KDM4C: variants seen among roughly 807,000 people sequenced by gnomAD.
The protein encoded by KDM4C is lysine-specific demethylase 4C.
In KDM4C, 81 loss-of-function variants were observed where a neutral mutation model predicts 129.3. That is an observed-to-expected ratio of 0.63 (90% CI 0.52 to 0.75). The LOEUF is 0.75. Ranked by LOEUF, KDM4C falls within the 30% of genes least tolerant of loss-of-function variation. KDM4C has a pLI of 0.00. For synonymous variants in KDM4C, 573 were observed against 456.1 expected (o/e 1.26, Z -3.26); for missense variants, 1,457 against 1,304.0 (o/e 1.12, Z -1.81).
chr9:7,159,597 G>C (rs1021389099), intron 19 of KDM4C, among the ~76,000 whole-genome samples: 4 of 152,174 alleles, frequency 2.6e-5, no homozygotes, highest in Non-Finnish European at 5.9e-5. Flanking sequence ...ATGAAGCTTA[G>C]TTTGGCTGGA....
intron 19 of KDM4C, among the ~76,000 whole-genome samples, chr9:7,143,612 T>A (rs187636858): frequency 6.6e-6 from 1 of 152,332 alleles, no homozygotes; most frequent in East Asian, 1.9e-4. Context: ...GTTATCTACA[T>A]ATTATTTTCA....
chr9:7,074,308 C>T (rs1833613395), intron 17 of KDM4C, among the ~76,000 whole-genome samples: 1 of 152,104 alleles, frequency 6.6e-6, no homozygotes, highest in African/African-American at 2.4e-5. Flanking sequence ...GGATTACAGG[C>T]ATGTGCCAAC....
chr9:6,845,464 C>T (rs573311036), intron 4 of KDM4C, among the ~76,000 whole-genome samples: 19 of 152,274 alleles, frequency 1.2e-4, no homozygotes, highest in African/African-American at 4.1e-4. Flanking sequence ...ATTCTCCTTC[C>T]TTGGCCTCTG....
At chr9:6,765,124 A>T (rs986993469) in intron 1 of KDM4C, among the ~76,000 whole-genome samples, 1 of 152,080 alleles carries the variant, frequency 6.6e-6, no homozygotes, top group African/African-American at 2.4e-5. Flanking sequence ...TTTAAGGCCT[A>T]TTGCCTTATT....
intron 4 of KDM4C, among the ~76,000 whole-genome samples, chr9:6,820,912 G>T (rs1369067721): frequency 1.5e-5 from 2 of 132,486 alleles, no homozygotes; most frequent in Admixed American, 1.8e-4. Flanking sequence ...GATGTTCCCT[G>T]CCCTGTGTCC....
At chr9:6,788,601 A>C (rs1400713863) in intron 1 of KDM4C, among the ~76,000 whole-genome samples, 1 of 152,188 alleles carries the variant, frequency 6.6e-6, no homozygotes, top group East Asian at 1.9e-4. Flanking sequence ...ACAATTTGGC[A>C]CTTACTCCTT....
At chr9:6,879,290 T>A (rs1844079192) in intron 5 of KDM4C, among the ~76,000 whole-genome samples, 1 of 152,200 alleles carries the variant, frequency 6.6e-6, no homozygotes, top group East Asian at 1.9e-4. Flanking sequence ...TATAGGATAT[T>A]ATGAGATTGT....
intron 8 of KDM4C, among the ~76,000 whole-genome samples, chr9:6,924,411 A>G (rs554634765): frequency 1.1e-3 from 166 of 152,264 alleles, no homozygotes; most frequent in African/African-American, 3.8e-3. Context: ...CCCAGGCAGG[A>G]AATTACAAGA....
intron 5 of KDM4C, among the ~76,000 whole-genome samples, chr9:6,866,071 G>C (rs925781594): frequency 1.3e-5 from 2 of 152,014 alleles, no homozygotes; most frequent in Admixed American, 1.3e-4. Flanking sequence ...TTTAGTTAGA[G>C]ACAGGGTTTC....
intron 1 of KDM4C, among the ~76,000 whole-genome samples, chr9:6,762,567 G>A (rs1047869039): frequency 6.6e-6 from 1 of 150,418 alleles, no homozygotes; most frequent in Non-Finnish European, 1.5e-5. Flanking sequence ...CCATTTTGTG[G>A]AGCCTAAAAT....
At chr9:7,086,219 T>C (rs1221482372) in intron 17 of KDM4C, among the ~76,000 whole-genome samples, 1 of 152,230 alleles carries the variant, frequency 6.6e-6, no homozygotes, top group Non-Finnish European at 1.5e-5. Context: ...ACAGGAATTT[T>C]TTAATATCAT....
intron 11 of KDM4C, chr9:6,986,984 C>G: frequency 4.3e-6 from 1 of 231,152 alleles, no homozygotes; most frequent in Non-Finnish European, 8.5e-6. Flanking sequence ...CACAGTGATT[C>G]TTTGTACCCT....
At chr9:7,098,032 T>C (rs1279580117) in intron 17 of KDM4C, among the ~76,000 whole-genome samples, 1 of 152,232 alleles carries the variant, frequency 6.6e-6, no homozygotes, top group African/African-American at 2.4e-5. Flanking sequence ...TATCTGTTGA[T>C]CCAAAATAAA....
chr9:6,886,574 C>G (rs1011744515), intron 6 of KDM4C, among the ~76,000 whole-genome samples: 24 of 151,516 alleles, frequency 1.6e-4, no homozygotes, highest in African/African-American at 5.3e-4. Flanking sequence ...TCACTGCAAC[C>G]TCTACCTCCC....
intron 5 of KDM4C, among the ~76,000 whole-genome samples, chr9:6,858,364 C>T (rs1031259013): frequency 1.3e-5 from 2 of 152,064 alleles, no homozygotes; most frequent in African/African-American, 4.8e-5. Context: ...ACCACGACCA[C>T]CACCACCTAC....
At chr9:6,942,277 C>G (rs2131405379) in intron 8 of KDM4C, among the ~76,000 whole-genome samples, 1 of 94,594 alleles carries the variant, frequency 1.1e-5, no homozygotes, top group Admixed American at 1.3e-4. Context: ...TGTTCTAGCC[C>G]TCAAAGTGTG....
At chr9:7,018,959 A>T (rs1824174957) in intron 15 of KDM4C, among the ~76,000 whole-genome samples, 1 of 152,184 alleles carries the variant, frequency 6.6e-6, no homozygotes, top group Non-Finnish European at 1.5e-5. Flanking sequence ...ATAACATTAC[A>T]ATGATTTTTA....
chr9:6,794,240 T>C (rs1827300801), intron 2 of KDM4C, among the ~76,000 whole-genome samples: 1 of 152,242 alleles, frequency 6.6e-6, no homozygotes, highest in Non-Finnish European at 1.5e-5. Flanking sequence ...GCTTACATTC[T>C]AGTTGTAGCA....
At chr9:6,854,525 C>CAAAA (rs1177446839) in intron 5 of KDM4C, among the ~76,000 whole-genome samples, 810 of 41,120 alleles carry the variant, frequency 0.02, 23 homozygotes, top group Non-Finnish European at 0.028. Flanking sequence ...AACTCCGTCT[C>CAAAA]AAAAAAAAAA....
Sources: gnomAD v4.1 joint callset for allele counts (sites outside exome capture counted in the v4.1 genomes callset) on GRCh38, gnomAD v4.1.1 for gene constraint, MANE v1.5 for transcripts, NCBI Gene and HGNC (gene_info 2026-07-23, HGNC 2026-07-21) for gene names.